Variants in FSTL4 observed in about 807,000 individuals in gnomAD.
FSTL4 encodes the protein follistatin-related protein 4.
Under a neutral mutation model 78.2 loss-of-function variants are expected in FSTL4, and 28 were observed. The observed-to-expected ratio is 0.36, with a 90% confidence interval of 0.27 to 0.49. The LOEUF is 0.49. Among genes scored for constraint, FSTL4 ranks in the 20% least tolerant of loss-of-function variants. The pLI is 0.98. For synonymous variants in FSTL4, 422 were observed against 440.5 expected (o/e 0.96, Z 0.53); for missense variants, 922 against 1,084.9 (o/e 0.85, Z 2.11).
At chr5:133,656,662 G>A in the FSTL4 span, among the ~76,000 whole-genome samples, 13 of 152,282 alleles carry the variant, frequency 8.5e-5, no homozygotes, top group East Asian at 2.5e-3. Context: ...ATTGATGAAG[G>A]CAGTGTGTTG....
chr5:133,218,569 T>C (rs1212055629), intron 12 of FSTL4, among the ~76,000 whole-genome samples: 1 of 152,168 alleles, frequency 6.6e-6, no homozygotes, highest in Non-Finnish European at 1.5e-5. Context: ...TTTTCTCTCT[T>C]ACCCACCCTA....
chr5:133,286,832 G>A (rs538563781), intron 6 of FSTL4, among the ~76,000 whole-genome samples: 1 of 152,338 alleles, frequency 6.6e-6, no homozygotes, highest in African/African-American at 2.4e-5. Context: ...GCGTCTGGAA[G>A]TTTTAAGACA....
intron 12 of FSTL4, among the ~76,000 whole-genome samples, chr5:133,218,714 G>T (rs1335994411): frequency 6.6e-6 from 1 of 152,114 alleles, no homozygotes; most frequent in African/African-American, 2.4e-5. Context: ...ATTTCCTTCA[G>T]GTCTCTGCTT....
At chr5:133,663,312 T>C in the FSTL4 span, among the ~76,000 whole-genome samples, 1 of 152,222 alleles carries the variant, frequency 6.6e-6, no homozygotes, top group Admixed American at 6.5e-5. Context: ...AGACAAGGTA[T>C]TATAGTTGTG....
At chr5:133,510,637 C>T (rs567205428) in intron 3 of FSTL4, among the ~76,000 whole-genome samples, 2 of 152,256 alleles carry the variant, frequency 1.3e-5, no homozygotes, top group Admixed American at 1.3e-4. Context: ...TTATCTCCCA[C>T]TCCAAGAGAA....
At chr5:133,412,393 G>A (rs1369062187) in intron 3 of FSTL4, among the ~76,000 whole-genome samples, 2 of 152,016 alleles carry the variant, frequency 1.3e-5, no homozygotes, top group Non-Finnish European at 2.9e-5. Flanking sequence ...TATAATAAGA[G>A]TTACCACTCC....
chr5:133,646,260 A>C, the FSTL4 span, among the ~76,000 whole-genome samples: 2 of 152,168 alleles, frequency 1.3e-5, no homozygotes, highest in African/African-American at 4.8e-5. Context: ...CAGCCATAGA[A>C]ATCTCTCAGG....
At chr5:133,547,190 T>C (rs560506584) in intron 3 of FSTL4, among the ~76,000 whole-genome samples, 2 of 152,246 alleles carry the variant, frequency 1.3e-5, no homozygotes, top group South Asian at 2.1e-4. Flanking sequence ...CTGTAGGGCT[T>C]TGGACTTACT....
chr5:133,261,726 C>T (rs1752527137), intron 6 of FSTL4, among the ~76,000 whole-genome samples: 1 of 152,142 alleles, frequency 6.6e-6, no homozygotes, highest in Non-Finnish European at 1.5e-5. Flanking sequence ...TGTGGTGGCA[C>T]ACACCTGTAA....
At chr5:133,357,626 C>T (rs1483079155) in intron 4 of FSTL4, among the ~76,000 whole-genome samples, 2 of 152,166 alleles carry the variant, frequency 1.3e-5, no homozygotes, top group Non-Finnish European at 2.9e-5. Context: ...TGAGAACGGC[C>T]ATTTGCTTCC....
At chr5:133,287,140 G>A (rs1053354259) in intron 6 of FSTL4, among the ~76,000 whole-genome samples, 1 of 152,170 alleles carries the variant, frequency 6.6e-6, no homozygotes, top group Non-Finnish European at 1.5e-5. Flanking sequence ...TGTAATTCCA[G>A]CACTTTGGGA....
At chr5:133,433,634 GA>G (rs1198368699) in intron 3 of FSTL4, among the ~76,000 whole-genome samples, 1 of 152,000 alleles carries the variant, frequency 6.6e-6, no homozygotes, top group Non-Finnish European at 1.5e-5. Context: ...AGTCAGTTAA[GA>G]AAAAAAATCA....
At chr5:133,378,289 T>C (rs1287960034) in intron 4 of FSTL4, among the ~76,000 whole-genome samples, 1 of 152,206 alleles carries the variant, frequency 6.6e-6, no homozygotes, top group African/African-American at 2.4e-5. Context: ...TTAAAAGCAA[T>C]TGTATAAAAT....
chr5:133,581,490 G>A (rs1377856669), intron 2 of FSTL4, among the ~76,000 whole-genome samples: 2 of 152,242 alleles, frequency 1.3e-5, no homozygotes, highest in African/African-American at 4.8e-5. Flanking sequence ...TGCCCCACAC[G>A]TGCCACATCA....
intron 3 of FSTL4, among the ~76,000 whole-genome samples, chr5:133,429,466 C>T (rs1006261261): frequency 1.3e-5 from 2 of 152,222 alleles, no homozygotes; most frequent in South Asian, 4.2e-4. Flanking sequence ...ATGCTCGTGA[C>T]TCCCCCACCC....
At chr5:133,494,180 G>A (rs1006808901) in intron 3 of FSTL4, among the ~76,000 whole-genome samples, 18 of 152,128 alleles carry the variant, frequency 1.2e-4, no homozygotes, top group African/African-American at 3.1e-4. Flanking sequence ...CACCTACTGC[G>A]TGCTTAATAA....
intron 3 of FSTL4, among the ~76,000 whole-genome samples, chr5:133,556,724 T>A (rs902343944): frequency 1.3e-5 from 2 of 152,054 alleles, no homozygotes; most frequent in African/African-American, 4.8e-5. Flanking sequence ...CCATCCCCCA[T>A]CCTGTGTTCC....
chr5:133,464,150 T>TA (rs1757652389), intron 3 of FSTL4, among the ~76,000 whole-genome samples: 1 of 152,190 alleles, frequency 6.6e-6, no homozygotes, highest in Admixed American at 6.5e-5. Context: ...AGATGACACT[T>TA]ACACTAAGCA....
chr5:133,704,339 C>T, the FSTL4 span, among the ~76,000 whole-genome samples: 6 of 152,304 alleles, frequency 3.9e-5, no homozygotes, highest in African/African-American at 9.6e-5. Flanking sequence ...GTGGGCACAG[C>T]CCTAGTGAAG....
Sources: gnomAD v4.1 joint callset for allele counts (sites outside exome capture counted in the v4.1 genomes callset) on GRCh38, gnomAD v4.1.1 for gene constraint, MANE v1.5 for transcripts, NCBI Gene and HGNC (gene_info 2026-07-23, HGNC 2026-07-21) for gene names.